Variants in LRP1B observed in about 807,000 individuals in gnomAD.
LRP1B encodes LDL receptor related protein 1B.
A neutral mutation model predicts 556.6 loss-of-function variants in LRP1B; 217 were observed. The observed-to-expected ratio is 0.39, with a 90% CI of 0.35 to 0.44. LRP1B has a LOEUF of 0.44. LRP1B is among the 20% of genes least tolerant of loss of function. The pLI is 1.00. For synonymous variants in LRP1B, 2,047 were observed against 1,865.8 expected, an observed-to-expected ratio of 1.10 and a Z score of -2.50; for missense variants, 5,053 against 5,620.8, an observed-to-expected ratio of 0.90 and a Z score of 3.23.
At chr2:141,930,066 C>T (rs1000721631) in intron 1 of LRP1B, among the ~76,000 whole-genome samples, 3 of 151,784 alleles carry the variant, frequency 2.0e-5, no homozygotes, top group East Asian at 1.9e-4. Flanking sequence ...CTACCAATTG[C>T]CCAAAAGAGC....
chr2:141,216,228 G>A (rs773910391), intron 6 of LRP1B, among the ~76,000 whole-genome samples: 6 of 152,162 alleles, frequency 3.9e-5, no homozygotes, highest in African/African-American at 9.7e-5. Context: ...CGCCACTTTC[G>A]TCCAGATACA....
At chr2:142,030,960 A>G (rs1703670468) in intron 1 of LRP1B, among the ~76,000 whole-genome samples, 1 of 151,866 alleles carries the variant, frequency 6.6e-6, no homozygotes, top group Non-Finnish European at 1.5e-5. Flanking sequence ...TGATGTCGCA[A>G]TTTTGTTCTT....
At chr2:141,254,498 G>A in intron 4 of LRP1B, 24 bp downstream of exon 4, 8 of 1,609,320 alleles carry the variant, frequency 5.0e-6, no homozygotes, top group Non-Finnish European at 6.8e-6. Context: ...AACAAAATTT[G>A]ATGGCGTTAT....
chr2:140,373,778 GTC>G (rs957505966), intron 68 of LRP1B, among the ~76,000 whole-genome samples: 1 of 152,056 alleles, frequency 6.6e-6, no homozygotes, highest in African/African-American at 2.4e-5. Flanking sequence ...GTGACATCCT[GTC>G]TCTAAACAAT....
chr2:141,975,946 G>A (rs1412621481), intron 1 of LRP1B, among the ~76,000 whole-genome samples: 1 of 151,982 alleles, frequency 6.6e-6, no homozygotes, highest in Non-Finnish European at 1.5e-5. Flanking sequence ...TGTTATTTAT[G>A]TACAGGGCTT....
intron 1 of LRP1B, among the ~76,000 whole-genome samples, chr2:141,811,979 T>C (rs1696372738): frequency 6.6e-6 from 1 of 152,128 alleles, no homozygotes; most frequent in Admixed American, 6.6e-5. Flanking sequence ...AAGTGGAATA[T>C]AGGACATTTC....
chr2:140,803,835 T>C (rs1187035040), intron 32 of LRP1B, among the ~76,000 whole-genome samples: 2 of 151,506 alleles, frequency 1.3e-5, no homozygotes, highest in Admixed American at 1.3e-4. Flanking sequence ...GTTTGTTTTC[T>C]CTCATAAAGG....
At chr2:140,311,191 G>A (rs1028414266) in intron 83 of LRP1B, among the ~76,000 whole-genome samples, 1 of 151,326 alleles carries the variant, frequency 6.6e-6, no homozygotes, top group Admixed American at 6.6e-5. Context: ...CACCTAATGG[G>A]AAAAAAATAT....
chr2:140,322,750 G>T (rs1192070816), intron 81 of LRP1B, among the ~76,000 whole-genome samples: 1 of 151,896 alleles, frequency 6.6e-6, no homozygotes, highest in African/African-American at 2.4e-5. Context: ...CTTTCCTAGA[G>T]ATTATTTCAT....
intron 6 of LRP1B, among the ~76,000 whole-genome samples, chr2:141,217,585 A>G (rs1376600748): frequency 6.6e-6 from 1 of 152,218 alleles, no homozygotes. Flanking sequence ...TACAAAAATT[A>G]ACTCAAGATG....
intron 3 of LRP1B, among the ~76,000 whole-genome samples, chr2:141,370,243 G>A (rs989457127): frequency 1.3e-5 from 2 of 152,044 alleles, no homozygotes; most frequent in African/African-American, 2.4e-5. Flanking sequence ...CATAGAGGTC[G>A]TACTAATTTA....
At chr2:140,921,802 A>G (rs1028230389) in intron 21 of LRP1B, among the ~76,000 whole-genome samples, 2 of 151,916 alleles carry the variant, frequency 1.3e-5, no homozygotes, top group African/African-American at 4.8e-5. Flanking sequence ...TTCTTATTGG[A>G]ATATTTAACT....
intron 3 of LRP1B, among the ~76,000 whole-genome samples, chr2:141,258,591 C>T (rs753398918): frequency 1.2e-4 from 18 of 152,160 alleles, no homozygotes; most frequent in African/African-American, 3.4e-4. Flanking sequence ...CTTTTTATGA[C>T]CTTGATATGA....
chr2:141,230,732 T>A (rs1241241508), intron 5 of LRP1B, among the ~76,000 whole-genome samples: 1 of 152,192 alleles, frequency 6.6e-6, no homozygotes, highest in Non-Finnish European at 1.5e-5. Context: ...CTTCCTGGAA[T>A]AATCATTTAT....
At chr2:141,782,178 T>C (rs1695276857) in intron 2 of LRP1B, among the ~76,000 whole-genome samples, 1 of 152,142 alleles carries the variant, frequency 6.6e-6, no homozygotes, top group South Asian at 2.1e-4. Context: ...ACCAACATGA[T>C]GTACTTGCCA....
chr2:140,288,730 G>A (rs532296543), intron 84 of LRP1B, among the ~76,000 whole-genome samples: 22 of 149,636 alleles, frequency 1.5e-4, no homozygotes, highest in African/African-American at 5.2e-4. Flanking sequence ...GCCATGCATT[G>A]TTTTTTTTTC....
chr2:140,840,890 A>G (rs997085744), intron 30 of LRP1B, 28 bp downstream of exon 30: 1 of 1,405,746 alleles, frequency 7.1e-7, no homozygotes, highest in Non-Finnish European at 9.2e-7. Context: ...AATTTTGGAA[A>G]AACTTTAAAA....
chr2:140,863,463 T>C (rs1266711030), intron 27 of LRP1B, among the ~76,000 whole-genome samples: 1 of 152,164 alleles, frequency 6.6e-6, no homozygotes. Context: ...TAATAAGCCC[T>C]CCATTAATTT....
chr2:140,391,174 A>C (rs1471667024), intron 66 of LRP1B, among the ~76,000 whole-genome samples: 1 of 152,214 alleles, frequency 6.6e-6, no homozygotes, highest in Non-Finnish European at 1.5e-5. Flanking sequence ...ATAACATTGA[A>C]TATTACCCAA....
Sources: gnomAD v4.1 joint callset for allele counts (sites outside exome capture counted in the v4.1 genomes callset) on GRCh38, gnomAD v4.1.1 for gene constraint, MANE v1.5 for transcripts, NCBI Gene and HGNC (gene_info 2026-07-23, HGNC 2026-07-21) for gene names.